Variants in UNC5D observed in about 807,000 individuals in gnomAD.
UNC5D encodes unc-5 netrin receptor D.
A neutral mutation model predicts 105.4 loss-of-function variants in UNC5D; 39 were observed. That is an observed-to-expected ratio of 0.37 (90% CI 0.29 to 0.48). The LOEUF is 0.48. Among genes scored for constraint, UNC5D ranks in the 20% least tolerant of loss-of-function variants. The pLI is 0.98. For synonymous variants in UNC5D, 452 were observed against 450.4 expected, an observed-to-expected ratio of 1.00 and a Z score of -0.04; for missense variants, 991 against 1,202.4, an observed-to-expected ratio of 0.82 and a Z score of 2.60.
intron 12 of UNC5D, among the ~76,000 whole-genome samples, chr8:35,749,014 A>T (rs1235746178): frequency 6.6e-6 from 1 of 152,112 alleles, no homozygotes; most frequent in Non-Finnish European, 1.5e-5. Flanking sequence ...GTCTGAATGG[A>T]CATTATTCTG....
At chr8:35,486,297 C>T (rs1810818379) in intron 1 of UNC5D, among the ~76,000 whole-genome samples, 1 of 152,152 alleles carries the variant, frequency 6.6e-6, no homozygotes, top group Admixed American at 6.6e-5. Flanking sequence ...ATTCATCCAA[C>T]ACATGCTGTC....
chr8:35,617,825 A>G (rs1425467639), intron 4 of UNC5D, among the ~76,000 whole-genome samples: 1 of 152,192 alleles, frequency 6.6e-6, no homozygotes, highest in Non-Finnish European at 1.5e-5. Flanking sequence ...TTTAAATATA[A>G]CTGAGTCTCT....
chr8:35,503,232 T>G (rs1812083860), intron 1 of UNC5D, among the ~76,000 whole-genome samples: 1 of 152,068 alleles, frequency 6.6e-6, no homozygotes, highest in Non-Finnish European at 1.5e-5. Flanking sequence ...TATTAGTCCG[T>G]TTTCATGCCG....
intron 1 of UNC5D, among the ~76,000 whole-genome samples, chr8:35,318,023 T>A (rs1809436168): frequency 6.6e-6 from 1 of 152,054 alleles, no homozygotes; most frequent in Non-Finnish European, 1.5e-5. Context: ...TAATTCTTTT[T>A]CAAGTCTTAT....
At chr8:35,551,338 T>C (rs1003204131) in intron 2 of UNC5D, among the ~76,000 whole-genome samples, 18 of 152,158 alleles carry the variant, frequency 1.2e-4, no homozygotes, top group African/African-American at 2.2e-4. Flanking sequence ...TGAAGAGATG[T>C]AGATTTGGAA....
intron 4 of UNC5D, among the ~76,000 whole-genome samples, chr8:35,613,467 G>A (rs181082198): frequency 6.6e-6 from 1 of 152,298 alleles, no homozygotes; most frequent in East Asian, 1.9e-4. Flanking sequence ...AGCCTCACCT[G>A]GCTCTTTGGC....
intron 1 of UNC5D, among the ~76,000 whole-genome samples, chr8:35,482,949 C>T (rs1810580298): frequency 6.6e-6 from 1 of 151,382 alleles, no homozygotes; most frequent in African/African-American, 2.4e-5. Context: ...ATTACAGGCG[C>T]CTGCCACCAC....
intron 2 of UNC5D, among the ~76,000 whole-genome samples, chr8:35,555,428 A>T (rs553833272): frequency 1.8e-3 from 268 of 152,310 alleles, no homozygotes; most frequent in African/African-American, 6.2e-3. Context: ...TAATCACTTT[A>T]TATAATTTAA....
chr8:35,413,574 T>G (rs1312055913), intron 1 of UNC5D, among the ~76,000 whole-genome samples: 2 of 151,912 alleles, frequency 1.3e-5, no homozygotes, highest in Non-Finnish European at 2.9e-5. Context: ...CCTTTGACTT[T>G]CTGCTACTAT....
chr8:35,694,861 G>A (rs911256514), intron 7 of UNC5D, among the ~76,000 whole-genome samples: 2 of 152,098 alleles, frequency 1.3e-5, no homozygotes, highest in Admixed American at 6.5e-5. Context: ...GATAACAGGT[G>A]TAAACCACCA....
chr8:35,294,629 C>CA (rs1807327514), intron 1 of UNC5D, among the ~76,000 whole-genome samples: 1 of 151,622 alleles, frequency 6.6e-6, no homozygotes, highest in Admixed American at 6.6e-5. Flanking sequence ...AGGTGTTTCA[C>CA]AAAAACTGCA....
At chr8:35,525,735 C>G in intron 1 of UNC5D, 2 of 1,577,706 alleles carry the variant, frequency 1.3e-6, no homozygotes, top group Non-Finnish European at 1.7e-6. Context: ...GCTCCCAACG[C>G]TGAAGTACTC....
intron 1 of UNC5D, among the ~76,000 whole-genome samples, chr8:35,420,384 G>A (rs547239787): frequency 2.3e-4 from 35 of 152,222 alleles, no homozygotes; most frequent in South Asian, 4.1e-4. Context: ...TGAACACAGC[G>A]TTTTCTCTTC....
chr8:35,742,469 G>A (rs1829811231), intron 11 of UNC5D, among the ~76,000 whole-genome samples: 1 of 152,066 alleles, frequency 6.6e-6, no homozygotes, highest in Non-Finnish European at 1.5e-5. Flanking sequence ...ATTATGTATC[G>A]ACCCAGGGTC....
At chr8:35,760,040 CTTTTTTTTT>C (rs796124727) in intron 14 of UNC5D, among the ~76,000 whole-genome samples, 3 of 132,948 alleles carry the variant, frequency 2.3e-5, no homozygotes, top group Non-Finnish European at 4.9e-5. Context: ...TTTACTTTTT[CTTTTTTTTT>C]TTTTTTTTAA....
intron 3 of UNC5D, among the ~76,000 whole-genome samples, chr8:35,584,450 C>T (rs1397001409): frequency 6.6e-6 from 1 of 151,900 alleles, no homozygotes; most frequent in Non-Finnish European, 1.5e-5. Context: ...AATCTCACTC[C>T]ATCTTTCAGA....
At chr8:35,768,107 G>T (rs1801853996) in intron 15 of UNC5D, among the ~76,000 whole-genome samples, 1 of 151,780 alleles carries the variant, frequency 6.6e-6, no homozygotes, top group Non-Finnish European at 1.5e-5. Context: ...CAATTTCAAG[G>T]TTTTTTCCTG....
Position 35,686,608 on chromosome 8 carries a change from G to A in UNC5D, c.983G>A (p.Arg328Gln). 2 of 1,607,724 alleles carry A rather than the reference G, an allele frequency of 1.2e-6. No individual in the cohort carries two copies. Among genetic ancestry groups the A allele is most frequent in the Non-Finnish European group, 1.7e-6 (2 of 1,178,238 alleles). Residue 328 changes from arginine to glutamine, a missense_variant, in exon 7 of 17, where the codon CGG (arginine) becomes CAG (glutamine). Physicochemically the swap from Arg to Gln is conservative, Grantham distance 43. Coordinates refer to ENST00000404895, the MANE Select transcript of UNC5D (RefSeq NM_080872.4). The part of the protein sequence containing the change: ...SVCSPECEHL[R>Q]IRECTAPPPR... The stretch of plus-strand genomic sequence containing the variant: ...TGCAGTCCAGAGTGTGAACATTTGC[G>A]GATCCGGGAGTGCACAGCACCACCC...
intron 1 of UNC5D, among the ~76,000 whole-genome samples, chr8:35,431,349 A>G (rs1806621280): frequency 6.6e-6 from 1 of 152,166 alleles, no homozygotes; most frequent in Non-Finnish European, 1.5e-5. Context: ...ATAATTTTAC[A>G]TGGAATTTAT....
Sources: allele counts gnomAD v4.1 joint callset (sites outside exome capture counted in the v4.1 genomes callset), GRCh38; gene constraint gnomAD v4.1.1; transcripts MANE v1.5; gene names NCBI Gene and HGNC (gene_info 2026-07-23, HGNC 2026-07-21).